CRTAC1: variants seen among roughly 807,000 people sequenced by gnomAD.
CRTAC1 encodes acidic secreted protein in cartilage.
CRTAC1 carries 37 observed loss-of-function variants against 67.8 expected under a neutral mutation model. That is an observed-to-expected ratio of 0.55 (90% CI 0.42 to 0.72). The LOEUF (loss-of-function observed/expected upper bound fraction) is 0.72. Among genes scored for constraint, CRTAC1 ranks in the 30% least tolerant of loss-of-function variants. CRTAC1 has a pLI of 0.00. For missense variants in CRTAC1, 780 were observed against 931.6 expected (o/e 0.84, Z 2.12); for synonymous variants, 348 against 371.0 (o/e 0.94, Z 0.71).
intron 5 of CRTAC1, 101 bp downstream of exon 5, chr10:97,917,399 C>G: frequency 9.8e-7 from 1 of 1,018,350 alleles, no homozygotes. Flanking sequence ...ATAAGGCCAC[C>G]CTTTCCTTGT....
At chr10:97,884,056 A>G (rs1372239848) in intron 12 of CRTAC1, 150 bp downstream of exon 12, 2 of 804,852 alleles carry the variant, frequency 2.5e-6, no homozygotes, top group African/African-American at 1.7e-5. Flanking sequence ...CAAACTACAA[A>G]TGGAGGGATC....
At chr10:97,916,929 C>G (rs1275768319) in intron 5 of CRTAC1, among the ~76,000 whole-genome samples, 1 of 151,778 alleles carries the variant, frequency 6.6e-6, no homozygotes. Context: ...GGTCCCCCAA[C>G]CAGAAAGATG....
chr10:97,887,231 T>TTTTTC (rs1359514105), intron 11 of CRTAC1, among the ~76,000 whole-genome samples: 1 of 151,176 alleles, frequency 6.6e-6, no homozygotes, highest in African/African-American at 2.4e-5. Flanking sequence ...ACTTAGGTTT[T>TTTTTC]TTTTTTTTTT....
chr10:97,925,878 C>T (rs917325622), intron 3 of CRTAC1, among the ~76,000 whole-genome samples: 1 of 152,004 alleles, frequency 6.6e-6, no homozygotes, highest in Admixed American at 6.6e-5. Context: ...ACCCCTTGAC[C>T]CCTCAGGTGG....
rs116601402 is a variant in CRTAC1 at position 98,001,520 on chromosome 10, C to T, written c.224+9618G>A. 5.4e-3 allele frequency among the ~76,000 whole-genome samples: 824 copies of T among 151,844 alleles called. 10 individuals carry two copies. The highest frequency in any genetic ancestry group is 0.019 in the African/African-American group (785 of 41,390). ...TAAATGCAGGCTGCCAATTCTAAGT[C>T]CCATCTCAATTTTAGAGATATTAAA... On this transcript the variant is annotated intron_variant, in intron 2 of 14. Transcript: ENST00000370597.
intron 2 of CRTAC1, among the ~76,000 whole-genome samples, chr10:97,939,529 G>T (rs760594820): frequency 6.6e-6 from 1 of 152,106 alleles, no homozygotes; most frequent in Admixed American, 6.6e-5. Context: ...GGCACCCCAT[G>T]GTGCAAGGCC....
intron 2 of CRTAC1, among the ~76,000 whole-genome samples, chr10:97,970,456 C>T (rs891204025): frequency 2.0e-5 from 3 of 152,204 alleles, no homozygotes; most frequent in Admixed American, 6.5e-5. Flanking sequence ...TCAGGGCCAG[C>T]GTGGTCTGCT....
intron 6 of CRTAC1, among the ~76,000 whole-genome samples, chr10:97,905,206 T>C (rs1369317748): frequency 6.6e-6 from 1 of 152,178 alleles, no homozygotes; most frequent in Non-Finnish European, 1.5e-5. Context: ...AAGCTGATCA[T>C]GCCCTCCAAT....
At chr10:97,897,520 C>T (rs1381257831) in intron 8 of CRTAC1, among the ~76,000 whole-genome samples, 1 of 152,198 alleles carries the variant, frequency 6.6e-6, no homozygotes, top group Admixed American at 6.5e-5. Context: ...TGGGACCTTG[C>T]ATTGTTCATC....
chr10:97,944,540 AG>A (rs2136624178), intron 2 of CRTAC1, among the ~76,000 whole-genome samples: 1 of 152,306 alleles, frequency 6.6e-6, no homozygotes, highest in African/African-American at 2.4e-5. Flanking sequence ...GCTCTAAGTG[AG>A]GGGGTAAAAA....
intron 5 of CRTAC1, among the ~76,000 whole-genome samples, chr10:97,913,226 AT>A (rs1378108357): frequency 2.6e-5 from 4 of 152,170 alleles, no homozygotes; most frequent in African/African-American, 9.7e-5. Context: ...TTCCTGAAAA[AT>A]TATAAGACAA....
At chr10:97,888,352 G>C (rs1412919580) in intron 11 of CRTAC1, among the ~76,000 whole-genome samples, 5 of 152,222 alleles carry the variant, frequency 3.3e-5, no homozygotes, top group Admixed American at 3.3e-4. Flanking sequence ...AGAAGGGAAG[G>C]AAGGAGCGTT....
intron 2 of CRTAC1, among the ~76,000 whole-genome samples, chr10:97,973,883 C>A (rs546846918): frequency 2.0e-5 from 3 of 151,248 alleles, no homozygotes; most frequent in African/African-American, 7.3e-5. Flanking sequence ...CATGAACCTC[C>A]CAAAACTGCA....
At chr10:97,989,394 T>C (rs1842392154) in intron 2 of CRTAC1, among the ~76,000 whole-genome samples, 2 of 152,208 alleles carry the variant, frequency 1.3e-5, no homozygotes, top group South Asian at 4.1e-4. Flanking sequence ...AACCTAGTCT[T>C]ACTTACACAA....
At chr10:97,881,946 C>T (rs1370179990) in intron 13 of CRTAC1, among the ~76,000 whole-genome samples, 5 of 152,118 alleles carry the variant, frequency 3.3e-5, no homozygotes, top group Admixed American at 2.6e-4. Context: ...CCTGCTTTGT[C>T]ATCTCCAAGC....
chr10:97,935,978 C>A (rs1469470884), intron 3 of CRTAC1, among the ~76,000 whole-genome samples, 192 bp downstream of exon 3: 1 of 152,060 alleles, frequency 6.6e-6, no homozygotes, highest in African/African-American at 2.4e-5. Context: ...GGAGATGAGA[C>A]CTACAGGCTC....
chr10:97,949,718 T>A (rs1352057510), intron 2 of CRTAC1, among the ~76,000 whole-genome samples: 1 of 152,198 alleles, frequency 6.6e-6, no homozygotes, highest in Non-Finnish European at 1.5e-5. Flanking sequence ...GAGGGCAGAT[T>A]TCTGCTCTGC....
chr10:97,944,716 G>C (rs1398103293), intron 2 of CRTAC1, among the ~76,000 whole-genome samples: 2 of 152,144 alleles, frequency 1.3e-5, no homozygotes, highest in Non-Finnish European at 2.9e-5. Flanking sequence ...AGTGATGTTG[G>C]AGCAGTTCTG....
intron 13 of CRTAC1, among the ~76,000 whole-genome samples, chr10:97,882,240 C>T (rs1436005887): frequency 6.6e-6 from 1 of 152,178 alleles, no homozygotes; most frequent in Non-Finnish European, 1.5e-5. Flanking sequence ...TAGGCTGCCC[C>T]TTCCCATTCC....
Sources: allele counts gnomAD v4.1 joint callset (sites outside exome capture counted in the v4.1 genomes callset), GRCh38; gene constraint gnomAD v4.1.1; transcripts MANE v1.5; gene names NCBI Gene and HGNC (gene_info 2026-07-23, HGNC 2026-07-21).